Variants in ZMYM2 observed in about 807,000 individuals in gnomAD.
The protein encoded by ZMYM2 is zinc finger MYM-type protein 2.
In ZMYM2, 56 loss-of-function variants were observed where a neutral mutation model predicts 162.8. The observed-to-expected ratio is 0.34, with a 90% CI of 0.28 to 0.43. The LOEUF (loss-of-function observed/expected upper bound fraction) is 0.43, where lower values mean the gene tolerates loss of function less well. Among genes scored for constraint, ZMYM2 ranks in the 20% least tolerant of loss-of-function variants. The pLI is 1.00. For missense variants in ZMYM2, 1,275 were observed against 1,621.8 expected (o/e 0.79, Z 3.67); for synonymous variants, 510 against 541.6 (o/e 0.94, Z 0.81).
In ZMYM2 at chr13:20,026,772, A is replaced by G; in HGVS notation, c.1735+10A>G. 1 of 1,576,066 alleles carries G rather than the reference A, an allele frequency of 6.3e-7. No individual in the cohort carries two copies. The highest frequency in any genetic ancestry group is 8.5e-7 in the Non-Finnish European group (1 of 1,170,902). On this transcript the variant is annotated intron_variant, in intron 8 of 24. Transcript: ENST00000610343. The stretch of plus-strand genomic sequence containing the variant: ...TATGCAAAATCACAAAGTAAGTTTC[A>G]CATATTTGGACAGTTAAAAAAACTT...
At chr13:20,057,152 G>GGCTC (rs1955859903) in intron 14 of ZMYM2, among the ~76,000 whole-genome samples, 2 of 152,190 alleles carry the variant, frequency 1.3e-5, no homozygotes, top group African/African-American at 4.8e-5. Flanking sequence ...ATCCAGGCTA[G>GGCTC]AGTGCAGTGG....
At chr13:19,914,434 A>G in the ZMYM2 span, among the ~76,000 whole-genome samples, 1 of 152,192 alleles carries the variant, frequency 6.6e-6, no homozygotes, top group Non-Finnish European at 1.5e-5. Context: ...CCACTCTCCA[A>G]GGCTGACTTG....
At chr13:19,873,009 T>A in the ZMYM2 span, among the ~76,000 whole-genome samples, 775 of 142,880 alleles carry the variant, frequency 5.4e-3, 7 homozygotes, top group African/African-American at 0.017. Context: ...CAAAAAAAAA[T>A]AAATAAATAA....
intron 19 of ZMYM2, among the ~76,000 whole-genome samples, chr13:20,066,213 A>T (rs922385073): frequency 6.6e-6 from 1 of 152,224 alleles, no homozygotes; most frequent in Non-Finnish European, 1.5e-5. Context: ...TTTATGACAG[A>T]TTAAACAGAT....
chr13:20,038,226 G>C (rs1033899274), intron 12 of ZMYM2, among the ~76,000 whole-genome samples: 1 of 152,118 alleles, frequency 6.6e-6, no homozygotes, highest in African/African-American at 2.4e-5. Flanking sequence ...GGTGTTTGCT[G>C]TTGTGAATAG....
the ZMYM2 span, among the ~76,000 whole-genome samples, chr13:19,885,947 A>ATATACACATATATATGTG: frequency 3.4e-4 from 7 of 20,872 alleles, 1 homozygote; most frequent in African/African-American, 1.5e-3. Flanking sequence ...ATATATATGT[A>ATATACACATATATATGTG]TATACACATA....
At chr13:19,978,368 A>G (rs1308796391) in intron 2 of ZMYM2, among the ~76,000 whole-genome samples, 1 of 152,192 alleles carries the variant, frequency 6.6e-6, no homozygotes, top group South Asian at 2.1e-4. Flanking sequence ...GTCATAGATT[A>G]CATCTGTATA....
chr13:19,939,729 T>C, the ZMYM2 span, among the ~76,000 whole-genome samples: 2 of 152,334 alleles, frequency 1.3e-5, no homozygotes, highest in Non-Finnish European at 1.5e-5. Context: ...CTATTAGCCA[T>C]GAAAAAGAAT....
intron 14 of ZMYM2, among the ~76,000 whole-genome samples, chr13:20,052,594 A>G (rs548667037): frequency 6.6e-6 from 1 of 152,164 alleles, no homozygotes; most frequent in East Asian, 1.9e-4. Context: ...CTTTAAGACA[A>G]TGGCAATAGT....
chr13:19,969,969 C>T (rs1302228807), intron 2 of ZMYM2: 1 of 877,514 alleles, frequency 1.1e-6, no homozygotes, highest in East Asian at 1.2e-4. Context: ...TGAAGTCTAC[C>T]TTATTGGATC....
At chr13:19,865,667 T>A in the ZMYM2 span, among the ~76,000 whole-genome samples, 1 of 152,218 alleles carries the variant, frequency 6.6e-6, no homozygotes, top group Non-Finnish European at 1.5e-5. Context: ...TTTTTCACAA[T>A]TTTTTGGCAT....
intron 21 of ZMYM2, among the ~76,000 whole-genome samples, chr13:20,078,230 T>C (rs568994275): frequency 1.3e-5 from 2 of 152,302 alleles, no homozygotes; most frequent in South Asian, 4.1e-4. Context: ...AACTACTGAT[T>C]GATAGCTTAA....
chr13:19,868,056 C>G, the ZMYM2 span, among the ~76,000 whole-genome samples: 1 of 152,222 alleles, frequency 6.6e-6, no homozygotes, highest in African/African-American at 2.4e-5. Flanking sequence ...AGAGCTTTCT[C>G]AACAAGCAAT....
the ZMYM2 span, among the ~76,000 whole-genome samples, chr13:19,903,410 C>CCA: frequency 7.4e-6 from 1 of 135,032 alleles, no homozygotes; most frequent in African/African-American, 2.8e-5. Context: ...GAGGCTGAGG[C>CCA]GGGCGGATCA....
intron 17 of ZMYM2, 84 bp downstream of exon 17, chr13:20,061,308 T>C (rs1031419511): frequency 2.8e-6 from 4 of 1,441,414 alleles, no homozygotes; most frequent in Admixed American, 2.4e-5. Context: ...CCAGGGCATA[T>C]CATTTTGTTT....
At chr13:20,044,908 T>C (rs550048816) in intron 12 of ZMYM2, among the ~76,000 whole-genome samples, 1 of 151,698 alleles carries the variant, frequency 6.6e-6, no homozygotes, top group East Asian at 1.9e-4. Flanking sequence ...AAATTAGCCA[T>C]GCATGGTGGT....
the ZMYM2 span, among the ~76,000 whole-genome samples, chr13:19,918,243 G>A: frequency 4.8e-4 from 73 of 151,960 alleles, no homozygotes; most frequent in African/African-American, 1.7e-3. Flanking sequence ...TCAGGAGTTC[G>A]AGACCAGCCG....
At chr13:19,889,036 A>G in the ZMYM2 span, among the ~76,000 whole-genome samples, 1 of 151,976 alleles carries the variant, frequency 6.6e-6, no homozygotes, top group Non-Finnish European at 1.5e-5. Flanking sequence ...AGGGCATCCT[A>G]CTTTCTGAGA....
chr13:20,069,758 AAGTAGTTCAG>A (rs895050164), intron 21 of ZMYM2, among the ~76,000 whole-genome samples: 8 of 151,982 alleles, frequency 5.3e-5, no homozygotes, highest in African/African-American at 1.9e-4. Context: ...TCATAAGGAT[AAGTAGTTCAG>A]AGTTTTCTTT....
Sources: allele counts gnomAD v4.1 joint callset (sites outside exome capture counted in the v4.1 genomes callset), GRCh38; gene constraint gnomAD v4.1.1; transcripts MANE v1.5; gene names NCBI Gene and HGNC (gene_info 2026-07-23, HGNC 2026-07-21).